ABTB3: variants seen among roughly 807,000 people sequenced by gnomAD.
ABTB3 encodes ankyrin repeat- and BTB/POZ domain-containing protein 3.
chr12:107,445,377 G>A, the ABTB3 span, among the ~76,000 whole-genome samples: 1 of 152,196 alleles, frequency 6.6e-6, no homozygotes, highest in Non-Finnish European at 1.5e-5. Context: ...ATGAGCCACT[G>A]AAGGTATGAA....
the ABTB3 span, chr12:107,618,283 G>C: frequency 6.2e-7 from 1 of 1,613,938 alleles, no homozygotes; most frequent in South Asian, 1.1e-5. Context: ...TGCGCCAGCC[G>C]CAACAGCAAG....
chr12:107,615,022 G>A, the ABTB3 span: 1 of 1,554,534 alleles, frequency 6.4e-7, no homozygotes, highest in Non-Finnish European at 8.9e-7. Context: ...TAAGTATTGT[G>A]AAGGTCACAT....
the ABTB3 span, among the ~76,000 whole-genome samples, chr12:107,498,982 T>A: frequency 2.0e-5 from 3 of 152,246 alleles, no homozygotes; most frequent in Admixed American, 2.0e-4. Flanking sequence ...TTAAACCAAG[T>A]CAGTGTGACC....
the ABTB3 span, among the ~76,000 whole-genome samples, chr12:107,648,435 A>G: frequency 3.6e-5 from 5 of 140,650 alleles, 1 homozygote; most frequent in South Asian, 2.2e-4. Flanking sequence ...GAAGTAGAGG[A>G]GACTGGGACA....
chr12:107,450,418 C>T, the ABTB3 span, among the ~76,000 whole-genome samples: 1 of 152,042 alleles, frequency 6.6e-6, no homozygotes, highest in African/African-American at 2.4e-5. Flanking sequence ...CTCCATCCCT[C>T]GATGGAGTGC....
the ABTB3 span, chr12:107,581,164 G>A: frequency 1.3e-6 from 2 of 1,542,796 alleles, no homozygotes; most frequent in Non-Finnish European, 1.7e-6. Flanking sequence ...CCTTCCTCGT[G>A]CTGCCGCCGC....
At chr12:107,408,339 C>T in the ABTB3 span, among the ~76,000 whole-genome samples, 10 of 152,280 alleles carry the variant, frequency 6.6e-5, no homozygotes, top group East Asian at 1.9e-4. Flanking sequence ...CCATCCTTAT[C>T]GGGCTCATTC....
chr12:107,357,750 G>C, the ABTB3 span, among the ~76,000 whole-genome samples: 1 of 152,188 alleles, frequency 6.6e-6, no homozygotes, highest in African/African-American at 2.4e-5. Flanking sequence ...GTGGCACCAC[G>C]TGGGCTGCAT....
the ABTB3 span, among the ~76,000 whole-genome samples, chr12:107,487,977 A>G: frequency 6.7e-6 from 1 of 149,526 alleles, no homozygotes; most frequent in African/African-American, 2.5e-5. Flanking sequence ...GGGAAATAAG[A>G]TGAAAGCTAT....
At chr12:107,643,465 C>G in the ABTB3 span, among the ~76,000 whole-genome samples, 1 of 151,438 alleles carries the variant, frequency 6.6e-6, no homozygotes, top group Admixed American at 6.6e-5. Flanking sequence ...GAGCTGTCCC[C>G]CTGAGGTCAG....
the ABTB3 span, among the ~76,000 whole-genome samples, chr12:107,533,299 T>C: frequency 6.6e-6 from 1 of 152,126 alleles, no homozygotes; most frequent in Non-Finnish European, 1.5e-5. Context: ...ATGTAAATAG[T>C]TTAAATTCTC....
At chr12:107,538,012 T>G in the ABTB3 span, among the ~76,000 whole-genome samples, 1 of 152,046 alleles carries the variant, frequency 6.6e-6, no homozygotes, top group Admixed American at 6.5e-5. Flanking sequence ...TCCAGGCCTT[T>G]CCAAAGCTAC....
chr12:107,401,591 G>A, the ABTB3 span, among the ~76,000 whole-genome samples: 2 of 152,186 alleles, frequency 1.3e-5, no homozygotes, highest in Admixed American at 6.5e-5. Flanking sequence ...AAATTTAAAG[G>A]CTGGTGCTTG....
At chr12:107,604,504 G>T in the ABTB3 span, among the ~76,000 whole-genome samples, 1 of 152,136 alleles carries the variant, frequency 6.6e-6, no homozygotes, top group Non-Finnish European at 1.5e-5. Flanking sequence ...TGGCCAACAG[G>T]TATATGAAAA....
At chr12:107,644,759 C>T in the ABTB3 span, among the ~76,000 whole-genome samples, 1 of 152,086 alleles carries the variant, frequency 6.6e-6, no homozygotes, top group Non-Finnish European at 1.5e-5. Flanking sequence ...GCCCTGGTGG[C>T]TATTGTTCCC....
the ABTB3 span, among the ~76,000 whole-genome samples, chr12:107,470,391 G>C: frequency 6.6e-6 from 1 of 152,042 alleles, no homozygotes; most frequent in Non-Finnish European, 1.5e-5. Context: ...AAAATATTTA[G>C]TTCCTTCCTC....
chr12:107,493,653 A>G, the ABTB3 span, among the ~76,000 whole-genome samples: 3 of 152,204 alleles, frequency 2.0e-5, no homozygotes, highest in Non-Finnish European at 4.4e-5. Flanking sequence ...GTTTGGAGCT[A>G]GGTTCATAGT....
the ABTB3 span, among the ~76,000 whole-genome samples, chr12:107,581,549 G>T: frequency 1.3e-5 from 2 of 152,208 alleles, no homozygotes; most frequent in African/African-American, 4.8e-5. Flanking sequence ...TACAGATGTC[G>T]GTGTGGTTTC....
At chr12:107,462,041 T>A in the ABTB3 span, among the ~76,000 whole-genome samples, 7 of 152,322 alleles carry the variant, frequency 4.6e-5, no homozygotes, top group Non-Finnish European at 7.4e-5. Context: ...CCTGATGGGT[T>A]GTTTTCCTTT....
Sources: allele counts gnomAD v4.1 joint callset (sites outside exome capture counted in the v4.1 genomes callset), GRCh38; gene constraint gnomAD v4.1.1; transcripts MANE v1.5; gene names NCBI Gene and HGNC (gene_info 2026-07-23, HGNC 2026-07-21).